Variants in SRGAP1 observed in about 807,000 individuals in gnomAD.
The protein encoded by SRGAP1 is SLIT-ROBO Rho GTPase activating protein 1, also known as SLIT-ROBO Rho GTPase-activating protein 1.
A neutral mutation model predicts 121.9 loss-of-function variants in SRGAP1; 43 were observed. That is an observed-to-expected ratio of 0.35 (90% confidence interval 0.28 to 0.46). SRGAP1 has a LOEUF of 0.46. SRGAP1 is among the 20% of genes least tolerant of loss of function. The pLI is 1.00. For missense variants in SRGAP1, 1,102 were observed against 1,350.9 expected (o/e 0.82, Z 2.89); for synonymous variants, 447 against 485.4 (o/e 0.92, Z 1.04).
At chr12:64,107,097 G>A (rs1476067404) in intron 15 of SRGAP1, among the ~76,000 whole-genome samples, 2 of 152,108 alleles carry the variant, frequency 1.3e-5, no homozygotes, top group Admixed American at 1.3e-4. Flanking sequence ...TTTTTTCTCA[G>A]GAATCCTGAT....
intron 1 of SRGAP1, among the ~76,000 whole-genome samples, chr12:63,972,806 C>T (rs1465084211): frequency 6.6e-6 from 1 of 152,078 alleles, no homozygotes. Flanking sequence ...AGGCATTTAG[C>T]TAGTTTTTTT....
intron 1 of SRGAP1, among the ~76,000 whole-genome samples, chr12:63,864,784 T>G (rs1293848639): frequency 6.6e-6 from 1 of 152,040 alleles, no homozygotes; most frequent in Non-Finnish European, 1.5e-5. Context: ...GATAGGATCC[T>G]GCGACAGGAA....
chr12:63,930,199 G>A (rs1035421170), intron 1 of SRGAP1, among the ~76,000 whole-genome samples: 1 of 151,820 alleles, frequency 6.6e-6, no homozygotes, highest in Non-Finnish European at 1.5e-5. Flanking sequence ...ACTCAAAAGG[G>A]AGCTCCCATG....
intron 14 of SRGAP1, among the ~76,000 whole-genome samples, chr12:64,096,750 G>C (rs1269319054): frequency 6.6e-6 from 1 of 152,106 alleles, no homozygotes; most frequent in Non-Finnish European, 1.5e-5. Context: ...ATGCCACTTT[G>C]GGAAATACCT....
chr12:64,098,108 A>C (rs2036192899), intron 15 of SRGAP1, among the ~76,000 whole-genome samples: 1 of 152,130 alleles, frequency 6.6e-6, no homozygotes, highest in East Asian at 1.9e-4. Flanking sequence ...CTTAGGCTTC[A>C]TAAGAATCAA....
intron 4 of SRGAP1, among the ~76,000 whole-genome samples, chr12:64,020,375 G>A (rs74097516): frequency 0.032 from 4,883 of 152,150 alleles, 264 homozygotes; most frequent in African/African-American, 0.11. Flanking sequence ...CAGGATGGTG[G>A]CATTAGAGTG....
chr12:64,059,981 G>A (rs566534680), intron 6 of SRGAP1, among the ~76,000 whole-genome samples: 3 of 151,810 alleles, frequency 2.0e-5, no homozygotes, highest in African/African-American at 7.2e-5. Context: ...TGGGGAAATA[G>A]CACCCCCAAA....
chr12:63,858,455 A>C (rs1277004534), intron 1 of SRGAP1, among the ~76,000 whole-genome samples: 1 of 151,996 alleles, frequency 6.6e-6, no homozygotes, highest in Non-Finnish European at 1.5e-5. Flanking sequence ...TGCTGGGATT[A>C]CAGGCATAGA....
intron 3 of SRGAP1, among the ~76,000 whole-genome samples, chr12:64,006,654 A>G (rs1319608044): frequency 6.6e-6 from 1 of 152,194 alleles, no homozygotes; most frequent in African/African-American, 2.4e-5. Context: ...CTGTTGCATT[A>G]GTAATCTGGG....
chr12:63,974,091 T>G (rs1475800932), intron 1 of SRGAP1, among the ~76,000 whole-genome samples: 2 of 152,232 alleles, frequency 1.3e-5, no homozygotes, highest in Admixed American at 1.3e-4. Context: ...AATGAAACCC[T>G]GCCTCCTGTG....
At chr12:63,996,890 A>G (rs1453699536) in intron 3 of SRGAP1, among the ~76,000 whole-genome samples, 3 of 152,068 alleles carry the variant, frequency 2.0e-5, no homozygotes, top group Non-Finnish European at 4.4e-5. Context: ...ATTTTTTGCA[A>G]TGATGTAATT....
At chr12:63,924,902 T>C (rs185439182) in intron 1 of SRGAP1, among the ~76,000 whole-genome samples, 89 of 152,294 alleles carry the variant, frequency 5.8e-4, no homozygotes, top group African/African-American at 2.0e-3. Context: ...AAATGAATGA[T>C]TGAATTAAGA....
chr12:64,149,784 GGTAAA>G lies in SRGAP1; in HGVS notation c.*7113_*7117del, dbSNP rs2037098410. On this transcript the variant is annotated 3_prime_UTR_variant, in exon 22 of 22. Coordinates refer to ENST00000355086, the MANE Select transcript of SRGAP1 (RefSeq NM_020762.4). ...AAAGGTCCTAAAAGCACAGAATGAT[GGTAAA>G]TTCTATCCACAGGCCATATAGCCCT... is the stretch of plus-strand genomic sequence containing the variant. 1 of 152,102 alleles carries G rather than the reference GGTAAA, an allele frequency of 6.6e-6. No individual in the cohort carries two copies. 9.4% of individuals were successfully genotyped at this position (152,102 alleles called of 1,614,324 possible).
intron 1 of SRGAP1, among the ~76,000 whole-genome samples, chr12:63,920,395 C>T (rs2030994070): frequency 6.6e-6 from 1 of 152,034 alleles, no homozygotes; most frequent in Admixed American, 6.6e-5. Flanking sequence ...GCAAGAGAGT[C>T]CTTGTGAATA....
At chr12:64,115,743 A>C (rs1481417930) in intron 17 of SRGAP1, 71 bp from the exon 18 acceptor site, 1 of 1,160,942 alleles carries the variant, frequency 8.6e-7, no homozygotes, top group Admixed American at 2.0e-5. Flanking sequence ...CCTAGGCAGC[A>C]GTGCAAGAAC....
intron 1 of SRGAP1, among the ~76,000 whole-genome samples, chr12:63,971,860 TTA>T (rs2032959423): frequency 6.6e-6 from 1 of 152,140 alleles, no homozygotes; most frequent in South Asian, 2.1e-4. Context: ...GGCTTTTATT[TTA>T]TGATTTAGAA....
At chr12:64,087,091 T>C in intron 11 of SRGAP1, 65 bp downstream of exon 11, 4 of 1,231,620 alleles carry the variant, frequency 3.2e-6, no homozygotes, top group Non-Finnish European at 4.6e-6. Flanking sequence ...AAGCAACCAT[T>C]TCAATGCTGA....
chr12:63,908,914 C>G (rs1211749802), intron 1 of SRGAP1, among the ~76,000 whole-genome samples: 2 of 150,656 alleles, frequency 1.3e-5, no homozygotes, highest in African/African-American at 4.9e-5. Flanking sequence ...TTTTTTTAGA[C>G]GAAGTCTCAC....
At chr12:64,011,805 T>G (rs896437759) in intron 3 of SRGAP1, among the ~76,000 whole-genome samples, 5 of 152,172 alleles carry the variant, frequency 3.3e-5, no homozygotes, top group African/African-American at 1.2e-4. Flanking sequence ...TTAAATAAAC[T>G]TGAAGAAATA....
Sources: gnomAD v4.1 joint callset for allele counts (sites outside exome capture counted in the v4.1 genomes callset) on GRCh38, gnomAD v4.1.1 for gene constraint, MANE v1.5 for transcripts, NCBI Gene and HGNC (gene_info 2026-07-23, HGNC 2026-07-21) for gene names.